MAP4K4: variants seen among roughly 807,000 people sequenced by gnomAD.
The protein encoded by MAP4K4 is mitogen-activated protein kinase kinase kinase kinase 4, also known as HPK/GCK-like kinase HGK.
MAP4K4 carries 38 observed loss-of-function variants against 189.6 expected under a neutral mutation model. The observed-to-expected ratio is 0.20, with a 90% CI of 0.15 to 0.26. MAP4K4 has a LOEUF of 0.26. Among genes scored for constraint, MAP4K4 ranks in the 10% least tolerant of loss-of-function variants. MAP4K4 has a pLI of 1.00. For synonymous variants in MAP4K4, 610 were observed against 624.3 expected (o/e 0.98, Z 0.34); for missense variants, 1,054 against 1,726.9 (o/e 0.61, Z 6.91).
At chr2:101,743,085 A>G (rs1351250297) in intron 2 of MAP4K4, among the ~76,000 whole-genome samples, 1 of 152,180 alleles carries the variant, frequency 6.6e-6, no homozygotes, top group African/African-American at 2.4e-5. Flanking sequence ...GACTGGAGCA[A>G]GATGAACTCA....
At chr2:101,841,676 T>G (rs2149552016) in intron 10 of MAP4K4, among the ~76,000 whole-genome samples, 1 of 152,016 alleles carries the variant, frequency 6.6e-6, no homozygotes, top group South Asian at 2.1e-4. Flanking sequence ...ACCATGTTGG[T>G]CAGGCTGGTC....
chr2:101,803,267 G>A lies in MAP4K4; in HGVS notation c.180+12491G>A, dbSNP rs1007809081. ...ATGATGTGTGTGTGTGTGTGTGTAT[G>A]TATGTGTGTGTGTGTTTGTGTGTGT... On this transcript the variant is annotated intron_variant, in intron 3 of 32. Transcript: ENST00000324219. 2.0e-5 allele frequency among the ~76,000 whole-genome samples: 3 copies of A among 147,980 alleles called. No individual in the cohort carries two copies. In the East Asian group the frequency reaches 5.9e-4, roughly 29 times the overall value.
chr2:101,893,734 G>A (rs1354856166), exon 33 of MAP4K4: 1 of 154,210 alleles, frequency 6.5e-6, no homozygotes, highest in Admixed American at 6.4e-5. Flanking sequence ...AATGCAAATG[G>A]TGTTTCATTG....
chr2:101,822,471 A>T (rs2096124389), intron 3 of MAP4K4, among the ~76,000 whole-genome samples: 1 of 152,230 alleles, frequency 6.6e-6, no homozygotes, highest in Non-Finnish European at 1.5e-5. Flanking sequence ...AGATGACTAC[A>T]TGTCTTGTTA....
At chr2:101,893,467 T>C in exon 33 of MAP4K4, 1 of 341,504 alleles carries the variant, frequency 2.9e-6, no homozygotes, top group Non-Finnish European at 5.8e-6. Flanking sequence ...ATTAAATTCC[T>C]GCTTGTAATT....
intron 13 of MAP4K4, 97 bp from the exon 14 acceptor site, chr2:101,858,899 A>C (rs2097554992): frequency 1.2e-6 from 1 of 801,636 alleles, no homozygotes; most frequent in Admixed American, 2.2e-5. Flanking sequence ...ATTGTCACTA[A>C]AGGTGATTGG....
At chr2:101,740,752 C>T (rs2149757659) in intron 2 of MAP4K4, among the ~76,000 whole-genome samples, 1 of 152,036 alleles carries the variant, frequency 6.6e-6, no homozygotes, top group East Asian at 1.9e-4. Context: ...AAGACCTTCC[C>T]TTATTCGCTT....
chr2:101,765,742 A>G (rs1183627681), intron 2 of MAP4K4, among the ~76,000 whole-genome samples: 1 of 152,256 alleles, frequency 6.6e-6, no homozygotes, highest in East Asian at 1.9e-4. Flanking sequence ...GAATCTAGGT[A>G]TTAAGTAATC....
chr2:101,870,388 C>T, exon 23 of MAP4K4: 1 of 1,613,720 alleles, frequency 6.2e-7, no homozygotes, highest in Non-Finnish European at 8.5e-7. Flanking sequence ...TGACCCCATC[C>T]AAGGAGGGCA....
At chr2:101,732,252 G>C (rs1158367818) in intron 2 of MAP4K4, among the ~76,000 whole-genome samples, 1 of 152,120 alleles carries the variant, frequency 6.6e-6, no homozygotes, top group Non-Finnish European at 1.5e-5. Context: ...AATTTATTTA[G>C]GTTATGTTGA....
chr2:101,739,091 G>A (rs1183413674), intron 2 of MAP4K4, among the ~76,000 whole-genome samples: 2 of 152,094 alleles, frequency 1.3e-5, no homozygotes, highest in African/African-American at 4.8e-5. Flanking sequence ...TAGAATCTGT[G>A]ACTTACGAAT....
chr2:101,703,712 G>A (rs954708206), intron 2 of MAP4K4, among the ~76,000 whole-genome samples: 2 of 151,474 alleles, frequency 1.3e-5, no homozygotes, highest in African/African-American at 4.9e-5. Context: ...TAGATTGTCT[G>A]GCTTTTAAAA....
intron 1 of MAP4K4, 23 bp from the exon 2 acceptor site, chr2:101,698,450 C>T (rs749689650): frequency 3.3e-5 from 53 of 1,601,548 alleles, no homozygotes; most frequent in Non-Finnish European, 4.3e-5. Context: ...TAAATGATAA[C>T]CCCTCCCCTC....
intron 32 of MAP4K4, among the ~76,000 whole-genome samples, chr2:101,889,820 G>C (rs1267905079): frequency 6.6e-6 from 1 of 152,178 alleles, no homozygotes; most frequent in Non-Finnish European, 1.5e-5. Flanking sequence ...GAAAGAAGAA[G>C]CTACACATAT....
At chr2:101,889,546 T>C (rs1275400011) in intron 32 of MAP4K4, among the ~76,000 whole-genome samples, 1 of 152,090 alleles carries the variant, frequency 6.6e-6, no homozygotes, top group African/African-American at 2.4e-5. Flanking sequence ...TTAAACTGGC[T>C]TTGGAGTTGA....
intron 3 of MAP4K4, among the ~76,000 whole-genome samples, chr2:101,819,344 A>C (rs2095902382): frequency 6.6e-6 from 1 of 152,220 alleles, no homozygotes; most frequent in Non-Finnish European, 1.5e-5. Context: ...AACATAAAAT[A>C]CTGTATAATA....
intron 31 of MAP4K4, among the ~76,000 whole-genome samples, chr2:101,888,490 A>G (rs958558025): frequency 2.6e-5 from 4 of 152,156 alleles, no homozygotes; most frequent in African/African-American, 7.2e-5. Context: ...GCCGTCTCTC[A>G]TGACTGGATT....
At position 101,870,771 on chromosome 2, in the gene MAP4K4, A is replaced by G. The variant is rs553227399; in HGVS notation, c.2760+356A>G. On this transcript the variant is annotated intron_variant, in intron 23 of 32. Coordinates refer to ENST00000324219, the Ensembl canonical transcript of MAP4K4. Reference sequence around the variant, plus strand: ...TCTGGAGTCTGGCAGAGCAGCCACCATGGCTCTGCAGAGCACGCTGGGCTC... The same window carrying G: ...TCTGGAGTCTGGCAGAGCAGCCACCGTGGCTCTGCAGAGCACGCTGGGCTC... 1.3e-4 allele frequency: 26 copies of G among 204,312 alleles called. No individual in the cohort carries two copies. The South Asian group carries it at 2.1e-3, about 16-fold the overall frequency. The allele number at this position is 204,312 out of a possible 1,614,324, so 12.7% of individuals were successfully genotyped here. A position where few individuals can be genotyped will look rare whatever the true frequency, so the allele number is the denominator to read the frequency against.
chr2:101,711,455 G>A (rs191141823), intron 2 of MAP4K4, among the ~76,000 whole-genome samples: 253 of 152,112 alleles, frequency 1.7e-3, no homozygotes, highest in African/African-American at 5.6e-3. Flanking sequence ...GGTTTTCACC[G>A]TGTTGATGAG....
Sources: allele counts gnomAD v4.1 joint callset (sites outside exome capture counted in the v4.1 genomes callset), GRCh38; gene constraint gnomAD v4.1.1; transcripts MANE v1.5; gene names NCBI Gene and HGNC (gene_info 2026-07-23, HGNC 2026-07-21).